ACO2: variants seen among roughly 807,000 people sequenced by gnomAD.
The protein encoded by ACO2 is aconitate hydratase, mitochondrial.
In ACO2, 31 loss-of-function variants were observed where a neutral mutation model predicts 84.5. The observed-to-expected ratio is 0.37, with a 90% CI of 0.28 to 0.50. The LOEUF (loss-of-function observed/expected upper bound fraction) is 0.50, where lower values mean the gene tolerates loss of function less well. Ranked by LOEUF, ACO2 falls within the 20% of genes least tolerant of loss-of-function variation. The probability of loss-of-function intolerance (pLI) is 0.97; values close to 1 mark genes in which losing one functional copy is unlikely to be tolerated. For missense variants in ACO2, 685 were observed against 1,029.3 expected (o/e 0.67, Z 4.58); for synonymous variants, 414 against 412.7 (o/e 1.00, Z -0.04).
At chr22:41,483,446 C>G (rs919627063) in intron 1 of ACO2, among the ~76,000 whole-genome samples, 3 of 152,014 alleles carry the variant, frequency 2.0e-5, no homozygotes, top group Non-Finnish European at 2.9e-5. Flanking sequence ...CACTTGAGGT[C>G]AGGAGTTCGA....
intron 9 of ACO2, among the ~76,000 whole-genome samples, chr22:41,521,035 C>CAAAAAAAAAA (rs375633363): frequency 1.3e-4 from 11 of 81,592 alleles, no homozygotes; most frequent in Middle Eastern, 6.7e-3. Context: ...AGCCTGCCTC[C>CAAAAAAAAAA]AAAAAAAAAA....
intron 12 of ACO2, 99 bp downstream of exon 12, chr22:41,524,040 A>G: frequency 9.7e-7 from 1 of 1,035,276 alleles, no homozygotes; most frequent in Admixed American, 2.0e-5. Flanking sequence ...GGGTCATCCA[A>G]GTGGTAGCCA....
intron 1 of ACO2, among the ~76,000 whole-genome samples, chr22:41,486,397 G>A (rs2038155637): frequency 6.6e-6 from 1 of 151,124 alleles, no homozygotes; most frequent in East Asian, 1.9e-4. Flanking sequence ...AGGTTCAAGC[G>A]ATTCTCCTGC....
At chr22:41,523,080 TGGGGC>T in intron 10 of ACO2, 93 bp downstream of exon 10, 12 of 1,570,776 alleles carry the variant, frequency 7.6e-6, no homozygotes, top group Non-Finnish European at 9.5e-6. Flanking sequence ...GGGCCGGGGC[TGGGGC>T]AGGTCCCAGT....
At chr22:41,514,608 G>A (rs963078840) in intron 4 of ACO2, among the ~76,000 whole-genome samples, 1 of 152,210 alleles carries the variant, frequency 6.6e-6, no homozygotes, top group Non-Finnish European at 1.5e-5. Context: ...AGAGGTGCCT[G>A]GTGCCTGGGC....
intron 7 of ACO2, 78 bp downstream of exon 7, chr22:41,517,709 C>T: frequency 4.5e-6 from 6 of 1,320,552 alleles, no homozygotes; most frequent in Non-Finnish European, 6.5e-6. Flanking sequence ...TATGCCTTTC[C>T]CTGTAGGGCA....
At chr22:41,511,849 C>T (rs768445658) in intron 3 of ACO2, 27 bp from the exon 4 acceptor site, 48 of 1,560,536 alleles carry the variant, frequency 3.1e-5, no homozygotes, top group South Asian at 2.9e-4. Flanking sequence ...ATGTTGCTAA[C>T]GCCCAATTAT....
intron 1 of ACO2, among the ~76,000 whole-genome samples, chr22:41,472,809 C>A (rs2037962547): frequency 1.3e-5 from 2 of 152,052 alleles, no homozygotes; most frequent in African/African-American, 4.8e-5. Flanking sequence ...TATTTTTGTG[C>A]ATATGACTGA....
At chr22:41,516,192 TCTG>T (rs913733396) in intron 6 of ACO2, 9 of 607,866 alleles carry the variant, frequency 1.5e-5, no homozygotes, top group Admixed American at 5.8e-5. Flanking sequence ...CAAGTCAGCT[TCTG>T]CTGCTGGGCC....
intron 2 of ACO2, among the ~76,000 whole-genome samples, chr22:41,505,427 C>T (rs56675670): frequency 3.8e-4 from 57 of 148,780 alleles, no homozygotes; most frequent in Admixed American, 1.9e-3. Flanking sequence ...AAAATAATAA[C>T]AATAATAATA....
At chr22:41,506,835 G>C (rs774743609) in intron 2 of ACO2, among the ~76,000 whole-genome samples, 3 of 152,052 alleles carry the variant, frequency 2.0e-5, no homozygotes, top group African/African-American at 2.4e-5. Flanking sequence ...TGAGAATTCT[G>C]GGGGGCAGAG....
intron 9 of ACO2, among the ~76,000 whole-genome samples, 163 bp downstream of exon 9, chr22:41,520,439 C>G (rs572312827): frequency 6.6e-5 from 10 of 152,246 alleles, no homozygotes; most frequent in Admixed American, 2.6e-4. Context: ...GAAGTGGTGG[C>G]TCATGCTTGA....
At chr22:41,498,040 A>G (rs1341702502) in intron 1 of ACO2, among the ~76,000 whole-genome samples, 1 of 152,188 alleles carries the variant, frequency 6.6e-6, no homozygotes, top group Admixed American at 6.6e-5. Flanking sequence ...GCTACGCGGG[A>G]GGCTGAGGCA....
intron 1 of ACO2, among the ~76,000 whole-genome samples, chr22:41,472,230 G>A (rs2037953981): frequency 6.6e-6 from 1 of 152,028 alleles, no homozygotes; most frequent in Non-Finnish European, 1.5e-5. Context: ...GCAGGCGCCT[G>A]TAGTCCCAGC....
chr22:41,518,032 C>T (rs2066489191), intron 7 of ACO2, among the ~76,000 whole-genome samples: 2 of 152,226 alleles, frequency 1.3e-5, no homozygotes, highest in Admixed American at 1.3e-4. Context: ...TCCCAGCCTC[C>T]CCTGACAACT....
At chr22:41,516,833 C>T (rs192974172) in intron 6 of ACO2, among the ~76,000 whole-genome samples, 14 of 152,258 alleles carry the variant, frequency 9.2e-5, no homozygotes, top group East Asian at 7.7e-4. Flanking sequence ...AGCAATTCTC[C>T]GGTCTCAGCC....
chr22:41,523,876 A>G lies in ACO2; in HGVS notation c.1417A>G (p.Asn473Asp). The G allele has an allele frequency of 6.2e-7, 1 of 1,612,426 alleles. No individual in the cohort carries two copies. The highest frequency in any genetic ancestry group is 8.5e-7 in the Non-Finnish European group (1 of 1,180,006). ...GAAGAACACAATCGTCACCTCCTACAACAGGAACTTCACGGGCCGCAACGA... is the reference window on the plus strand; with the variant it reads ...GAAGAACACAATCGTCACCTCCTACGACAGGAACTTCACGGGCCGCAACGA... ...GEKNTIVTSY[N>D]RNFTGRNDAN... The change falls in exon 12 of 18, where the codon AAC becomes GAC. Residue 473 changes from asparagine (N) to aspartate (D), a missense_variant. Asn to Asp is a conservative substitution (Grantham distance 23). This residue lies in a region of ACO2 where 311 missense variants were observed against 441.6 expected (regional missense o/e 0.70). Transcript: ENST00000216254.
chr22:41,474,875 A>G (rs1568999213), intron 1 of ACO2, among the ~76,000 whole-genome samples: 1 of 152,140 alleles, frequency 6.6e-6, no homozygotes, highest in Non-Finnish European at 1.5e-5. Context: ...CTGGGATTAC[A>G]GGCGTGAGCC....
chr22:41,523,195 T>C lies in ACO2; in HGVS notation c.1297-10T>C, dbSNP rs567132709. On this transcript the variant is annotated splice_polypyrimidine_tract_variant and intron_variant, in intron 10 of 17. Coordinates refer to ENST00000216254, the MANE Select transcript of ACO2 (RefSeq NM_001098.3). ...ACCCTTGACATTCTGTCTTCCTCTC[T>C]CCCTGGCAGGCACAGATCTTGAGGG... 3.1e-6 allele frequency: 5 copies of C among 1,609,804 alleles called. No individual in the cohort carries two copies. Among genetic ancestry groups the C allele is most frequent in the East Asian group, 4.5e-5 (2 of 44,808 alleles).
Sources: gnomAD v4.1 joint callset for allele counts (sites outside exome capture counted in the v4.1 genomes callset) on GRCh38, gnomAD v4.1.1 for gene constraint, gnomAD v4.1.1 regional missense constraint, MANE v1.5 for transcripts, NCBI Gene and HGNC (gene_info 2026-07-23, HGNC 2026-07-21) for gene names.